The following ARFGEF3 variants were observed in gnomAD, a reference collection of about 807,000 sequenced individuals.
ARFGEF3 encodes the protein brefeldin A-inhibited guanine nucleotide-exchange protein 3.
Under a neutral mutation model 221.7 loss-of-function variants are expected in ARFGEF3, and 96 were observed. The ratio of observed to expected loss-of-function variants is 0.43; its 90% CI spans 0.37 to 0.51. The LOEUF (loss-of-function observed/expected upper bound fraction) is 0.51, where lower values mean the gene tolerates loss of function less well. Ranked by LOEUF, ARFGEF3 falls within the 20% of genes least tolerant of loss-of-function variation. The pLI is 0.00. For missense variants in ARFGEF3, 2,410 were observed against 2,789.9 expected (o/e 0.86, Z 3.07); for synonymous variants, 1,145 against 1,126.8 (o/e 1.02, Z -0.32).
intron 14 of ARFGEF3, among the ~76,000 whole-genome samples, chr6:138,284,542 A>G (rs1779253338): frequency 6.6e-6 from 1 of 152,038 alleles, no homozygotes; most frequent in Non-Finnish European, 1.5e-5. Flanking sequence ...TCTCAACCCA[A>G]CTCCAGTCCT....
chr6:138,319,636 T>C (rs572104181), intron 27 of ARFGEF3, 67 bp from the exon 28 acceptor site: 3 of 1,140,558 alleles, frequency 2.6e-6, no homozygotes, highest in Non-Finnish European at 3.8e-6. Context: ...AGATCAACAA[T>C]GCCAGGTGGA....
In ARFGEF3 at chr6:138,196,900, C is replaced by T. The variant is rs191411964; in HGVS notation, c.138-10142C>T. Among the ~76,000 whole-genome samples, 392 of 151,560 alleles carry T rather than the reference C, an allele frequency of 2.6e-3. 5 individuals carry two copies. The highest frequency in any genetic ancestry group is 9.4e-3 in the African/African-American group (387 of 41,262). Reference sequence around the variant, plus strand: ...CCAGGCTGGAGTGCAGTGGTGTGATCTCGGCTCACCGCAACCTCCGCCTCC... The same window carrying T: ...CCAGGCTGGAGTGCAGTGGTGTGATTTCGGCTCACCGCAACCTCCGCCTCC... On this transcript the variant is annotated intron_variant, in intron 2 of 33. Transcript: ENST00000251691.
intron 2 of ARFGEF3, among the ~76,000 whole-genome samples, chr6:138,192,332 C>T (rs181449272): frequency 6.6e-6 from 1 of 152,188 alleles, no homozygotes; most frequent in East Asian, 1.9e-4. Flanking sequence ...ACTAAAAATA[C>T]AAAAATTTGC....
intron 6 of ARFGEF3, 37 bp from the exon 7 acceptor site, chr6:138,242,915 G>A (rs745717282): frequency 1.9e-6 from 3 of 1,575,562 alleles, no homozygotes; most frequent in Non-Finnish European, 1.7e-6. Flanking sequence ...TTTCTTGCCT[G>A]AATCTCCTAA....
intron 2 of ARFGEF3, among the ~76,000 whole-genome samples, chr6:138,185,562 G>C (rs1275105061): frequency 6.6e-6 from 1 of 152,122 alleles, no homozygotes; most frequent in Non-Finnish European, 1.5e-5. Flanking sequence ...CCATTTTGTT[G>C]TCCTGTTATT....
At chr6:138,239,206 C>A (rs574975515) in intron 6 of ARFGEF3, among the ~76,000 whole-genome samples, 1 of 152,300 alleles carries the variant, frequency 6.6e-6, no homozygotes, top group South Asian at 2.1e-4. Flanking sequence ...ATATTATCTT[C>A]TGGGAATGTT....
rs370775572 is a variant in ARFGEF3, at chr6:138,265,064, G to A, written c.2128+1453G>A. 1.7e-3 allele frequency among the ~76,000 whole-genome samples: 263 copies of A among 151,816 alleles called. 1 individual carries two copies. Among genetic ancestry groups the A allele is most frequent in the African/African-American group, 6.0e-3 (248 of 41,414 alleles). On this transcript the variant is annotated intron_variant, in intron 12 of 33. Coordinates refer to ENST00000251691, the MANE Select transcript of ARFGEF3 (RefSeq NM_020340.5). ...GACTACAGGCGCCCACCACCACACC[G>A]GGCTAATTTTTTGTATTTTTAGTAG...
At chr6:138,274,896 T>C (rs569793935) in intron 12 of ARFGEF3, among the ~76,000 whole-genome samples, 5 of 148,928 alleles carry the variant, frequency 3.4e-5, no homozygotes, top group African/African-American at 1.2e-4. Flanking sequence ...TCACCTGAGG[T>C]CGGGAATTCT....
chr6:138,306,122 G>A (rs1779719329), intron 22 of ARFGEF3, among the ~76,000 whole-genome samples: 1 of 151,926 alleles, frequency 6.6e-6, no homozygotes, highest in South Asian at 2.1e-4. Context: ...GTCGAGCAAG[G>A]TCACTGCATT....
chr6:138,212,373 A>T (rs9321651), intron 4 of ARFGEF3, among the ~76,000 whole-genome samples: 6,067 of 152,292 alleles, frequency 0.04, 385 homozygotes, highest in African/African-American at 0.14. Flanking sequence ...ACAAAAAAAT[A>T]AAAAAAGTTA....
At chr6:138,280,602 G>C (rs1042971531) in intron 14 of ARFGEF3, among the ~76,000 whole-genome samples, 5 of 152,184 alleles carry the variant, frequency 3.3e-5, no homozygotes, top group African/African-American at 1.2e-4. Context: ...TATAATCCTA[G>C]CACTTTGGGA....
At chr6:138,311,284 T>C in intron 24 of ARFGEF3, 123 bp from the exon 25 acceptor site, 2 of 631,170 alleles carry the variant, frequency 3.2e-6, no homozygotes, top group Middle Eastern at 3.1e-4. Flanking sequence ...TTTTTCTCCT[T>C]TTCTCCCACT....
At chr6:138,335,900 A>C (rs953398129) in intron 33 of ARFGEF3, among the ~76,000 whole-genome samples, 7 of 152,216 alleles carry the variant, frequency 4.6e-5, no homozygotes, top group African/African-American at 1.7e-4. Flanking sequence ...TGCACATAAA[A>C]ATTCTCATTC....
intron 27 of ARFGEF3, among the ~76,000 whole-genome samples, chr6:138,319,118 ATT>A (rs56283991): frequency 1.5e-4 from 21 of 139,716 alleles, no homozygotes; most frequent in Admixed American, 2.2e-4. Context: ...TGCCCAGCTA[ATT>A]TTTTTTTTTT....
intron 27 of ARFGEF3, among the ~76,000 whole-genome samples, chr6:138,319,426 G>A (rs1401255398): frequency 6.6e-6 from 1 of 151,830 alleles, no homozygotes; most frequent in Non-Finnish European, 1.5e-5. Flanking sequence ...TTACATTTAG[G>A]TCCTAGGAGT....
chr6:138,204,870 T>C (rs1178359998), intron 2 of ARFGEF3, among the ~76,000 whole-genome samples: 1 of 152,208 alleles, frequency 6.6e-6, no homozygotes, highest in Non-Finnish European at 1.5e-5. Context: ...AGCCAAAACC[T>C]AGTTGAACCA....
chr6:138,330,779 G>C (rs1213169780), intron 32 of ARFGEF3, among the ~76,000 whole-genome samples: 1 of 152,056 alleles, frequency 6.6e-6, no homozygotes, highest in Non-Finnish European at 1.5e-5. Flanking sequence ...GTCAATTATT[G>C]GTACATACCA....
At chr6:138,201,453 C>T (rs1777534569) in intron 2 of ARFGEF3, among the ~76,000 whole-genome samples, 1 of 152,136 alleles carries the variant, frequency 6.6e-6, no homozygotes, top group African/African-American at 2.4e-5. Context: ...GATAAAGAAA[C>T]TGTGGTATAT....
intron 2 of ARFGEF3, among the ~76,000 whole-genome samples, 200 bp downstream of exon 2, chr6:138,170,913 T>C (rs1490084546): frequency 6.6e-6 from 1 of 152,158 alleles, no homozygotes; most frequent in Non-Finnish European, 1.5e-5. Flanking sequence ...AGGGGCCACA[T>C]CTAGCAAGGG....
Sources: allele counts gnomAD v4.1 joint callset (sites outside exome capture counted in the v4.1 genomes callset), GRCh38; gene constraint gnomAD v4.1.1; transcripts MANE v1.5; gene names NCBI Gene and HGNC (gene_info 2026-07-23, HGNC 2026-07-21).